Variants in LRRC4C observed in about 807,000 individuals in gnomAD.
LRRC4C encodes leucine-rich repeat-containing protein 4C.
LRRC4C carries 5 observed loss-of-function variants against 33.6 expected under a neutral mutation model. The observed-to-expected ratio is 0.15, with a 90% CI of 0.08 to 0.31. The LOEUF (loss-of-function observed/expected upper bound fraction) is 0.31, where lower values mean the gene tolerates loss of function less well. Among genes scored for constraint, LRRC4C ranks in the 10% least tolerant of loss-of-function variants. The pLI, the probability that LRRC4C is intolerant of heterozygous loss-of-function variation, is 1.00. For missense variants in LRRC4C, 560 were observed against 796.7 expected (o/e 0.70, Z 3.58); for synonymous variants, 329 against 302.0 (o/e 1.09, Z -0.93).
intron 2 of LRRC4C, among the ~76,000 whole-genome samples, chr11:40,664,595 T>C (rs1336427162): frequency 6.6e-6 from 1 of 151,718 alleles, no homozygotes; most frequent in Admixed American, 6.6e-5. Flanking sequence ...ATGCAGAAAT[T>C]AAAGAAAACA....
chr11:41,307,420 C>G (rs1950536045), intron 1 of LRRC4C, among the ~76,000 whole-genome samples: 1 of 152,114 alleles, frequency 6.6e-6, no homozygotes, highest in Non-Finnish European at 1.5e-5. Flanking sequence ...CCTGCCATCC[C>G]TGGTGAATGA....
chr11:41,200,286 T>G (rs181869419), intron 1 of LRRC4C, among the ~76,000 whole-genome samples: 12 of 152,238 alleles, frequency 7.9e-5, no homozygotes, highest in Non-Finnish European at 1.5e-4. Context: ...ATACATAAAT[T>G]ATTCTGAAAT....
At chr11:40,428,055 A>T (rs967585813) in intron 3 of LRRC4C, among the ~76,000 whole-genome samples, 6 of 152,194 alleles carry the variant, frequency 3.9e-5, no homozygotes, top group Non-Finnish European at 7.3e-5. Flanking sequence ...ATTCTCAAGA[A>T]TTGCTTCCTT....
At chr11:40,185,028 A>G (rs975422147) in intron 5 of LRRC4C, among the ~76,000 whole-genome samples, 2 of 152,194 alleles carry the variant, frequency 1.3e-5, no homozygotes, top group Non-Finnish European at 2.9e-5. Flanking sequence ...CTTACAAGGG[A>G]AACCATCAGT....
intron 5 of LRRC4C, among the ~76,000 whole-genome samples, chr11:40,237,831 C>T (rs1401387717): frequency 6.6e-6 from 1 of 152,088 alleles, no homozygotes; most frequent in East Asian, 1.9e-4. Flanking sequence ...TATCCTATAC[C>T]ACCGAAGTTG....
rs186580500 is a variant in LRRC4C at position 40,137,264 on chromosome 11, C to G, written c.-43+3537G>C. On this transcript the variant is annotated intron_variant, in intron 6 of 6. Coordinates refer to ENST00000528697, the MANE Select transcript of LRRC4C (RefSeq NM_001258419.2). ...GACTCTTGTCCTAGCTGCACTCTCA[C>G]ACTTTCTCTTCCTAGTAACCTAGTA... 2.0e-5 allele frequency among the ~76,000 whole-genome samples: 3 copies of G among 152,264 alleles called. No individual in the cohort carries two copies. The East Asian group carries it at 5.8e-4, about 29-fold the overall frequency.
intron 1 of LRRC4C, among the ~76,000 whole-genome samples, chr11:40,938,367 T>C (rs1189310754): frequency 6.6e-6 from 1 of 152,124 alleles, no homozygotes; most frequent in Non-Finnish European, 1.5e-5. Context: ...CTGTACTTGA[T>C]AATGTACTGA....
intron 1 of LRRC4C, among the ~76,000 whole-genome samples, chr11:41,004,064 G>T (rs1592311466): frequency 1.3e-5 from 2 of 152,070 alleles, no homozygotes; most frequent in African/African-American, 4.8e-5. Context: ...GAGAGGCTAT[G>T]GTTACAAAGA....
chr11:40,430,927 T>A (rs1167110985), intron 3 of LRRC4C, among the ~76,000 whole-genome samples: 1 of 103,018 alleles, frequency 9.7e-6, no homozygotes, highest in East Asian at 3.1e-4. Flanking sequence ...AAGGGGAATA[T>A]CACACTCTGG....
At chr11:41,255,997 C>T (rs968969284) in intron 1 of LRRC4C, among the ~76,000 whole-genome samples, 6 of 151,930 alleles carry the variant, frequency 3.9e-5, no homozygotes, top group Non-Finnish European at 8.8e-5. Context: ...AAAAGGGCAA[C>T]TTCTTTGGAG....
chr11:40,687,328 A>G (rs1945009232), intron 2 of LRRC4C, among the ~76,000 whole-genome samples: 1 of 152,132 alleles, frequency 6.6e-6, no homozygotes, highest in South Asian at 2.1e-4. Flanking sequence ...AAAAATATCA[A>G]TTACCACATT....
chr11:40,159,575 C>T (rs1858990327), intron 5 of LRRC4C, among the ~76,000 whole-genome samples: 1 of 152,062 alleles, frequency 6.6e-6, no homozygotes, highest in African/African-American at 2.4e-5. Context: ...TATGAAAATC[C>T]CATTGCATAG....
intron 1 of LRRC4C, among the ~76,000 whole-genome samples, chr11:41,383,744 A>G (rs1410853429): frequency 6.6e-6 from 1 of 151,970 alleles, no homozygotes; most frequent in Non-Finnish European, 1.5e-5. Flanking sequence ...ATAAATACAA[A>G]CATTTAAGAA....
At chr11:41,279,696 C>G (rs1211339893) in intron 1 of LRRC4C, among the ~76,000 whole-genome samples, 1 of 152,108 alleles carries the variant, frequency 6.6e-6, no homozygotes, top group Non-Finnish European at 1.5e-5. Context: ...AGGTCATTTC[C>G]TTTTTGGCCA....
At chr11:40,415,679 A>G (rs1950301370) in intron 3 of LRRC4C, among the ~76,000 whole-genome samples, 1 of 152,178 alleles carries the variant, frequency 6.6e-6, no homozygotes, top group Admixed American at 6.5e-5. Context: ...TTTCTTGCTC[A>G]TGTTACTTCC....
chr11:41,327,050 G>C (rs1951143645), intron 1 of LRRC4C, among the ~76,000 whole-genome samples: 1 of 152,168 alleles, frequency 6.6e-6, no homozygotes, highest in Non-Finnish European at 1.5e-5. Flanking sequence ...GTGAGCCTCA[G>C]AGGCCAAGTG....
chr11:40,707,361 C>T (rs1946221238), intron 2 of LRRC4C, among the ~76,000 whole-genome samples: 1 of 152,066 alleles, frequency 6.6e-6, no homozygotes, highest in South Asian at 2.1e-4. Context: ...ATAAATAGCT[C>T]TTATTATTTT....
intron 2 of LRRC4C, among the ~76,000 whole-genome samples, chr11:40,875,105 A>G (rs1954823560): frequency 6.6e-6 from 1 of 152,174 alleles, no homozygotes; most frequent in African/African-American, 2.4e-5. Context: ...TTTAGTACAC[A>G]AGAATGCAAT....
intron 3 of LRRC4C, among the ~76,000 whole-genome samples, chr11:40,452,112 C>T (rs187690570): frequency 2.6e-5 from 4 of 152,178 alleles, no homozygotes; most frequent in African/African-American, 9.6e-5. Flanking sequence ...CCCATCTGTA[C>T]CATCATCAAA....
Sources: allele counts gnomAD v4.1 joint callset (sites outside exome capture counted in the v4.1 genomes callset), GRCh38; gene constraint gnomAD v4.1.1; transcripts MANE v1.5; gene names NCBI Gene and HGNC (gene_info 2026-07-23, HGNC 2026-07-21).